The following TXNDC11 variants were observed in gnomAD, a reference collection of about 807,000 sequenced individuals.
TXNDC11 encodes the protein thioredoxin domain containing 11.
A neutral mutation model predicts 78.0 loss-of-function variants in TXNDC11; 68 were observed. The observed-to-expected ratio is 0.87, with a 90% confidence interval of 0.72 to 1.07. TXNDC11 has a LOEUF of 1.07. Among genes scored for constraint, TXNDC11 ranks in the 50% least tolerant of loss-of-function variants. TXNDC11 has a pLI of 0.00. For synonymous variants in TXNDC11, 571 were observed against 495.2 expected (o/e 1.15, Z -2.03); for missense variants, 1,389 against 1,221.8 (o/e 1.14, Z -2.04).
At chr16:11,700,684 C>G (rs191487035) in intron 5 of TXNDC11, 120 bp from the exon 6 acceptor site, 518 of 576,928 alleles carry the variant, frequency 9.0e-4, no homozygotes, top group Non-Finnish European at 1.4e-3. Context: ...GGTAACCTAG[C>G]CTAGAGAGGG....
chr16:11,707,373 T>G (rs1361630673), intron 5 of TXNDC11, among the ~76,000 whole-genome samples: 1 of 151,846 alleles, frequency 6.6e-6, no homozygotes, highest in Non-Finnish European at 1.5e-5. Context: ...AACTCCATGA[T>G]TTTTATACTG....
rs552401802 is a variant in TXNDC11 at position 11,731,606 on chromosome 16, T to A, written c.570-832A>T. ...TCTAAACAGAAATTGACATTAAGCTTACTGTTAACAGCAACAAGAGCCCAG... is the reference window on the plus strand; with the variant it reads ...TCTAAACAGAAATTGACATTAAGCTAACTGTTAACAGCAACAAGAGCCCAG... On this transcript the variant is annotated intron_variant, in intron 3 of 11. Coordinates refer to ENST00000283033, the MANE Select transcript of TXNDC11 (RefSeq NM_015914.7). Among the ~76,000 whole-genome samples, 144 of 152,208 alleles carry A rather than the reference T, an allele frequency of 9.5e-4. 2 individuals carry two copies. The highest frequency in any genetic ancestry group is 1.3e-3 in the Non-Finnish European group (91 of 68,022).
intron 1 of TXNDC11, among the ~76,000 whole-genome samples, chr16:11,736,541 T>G (rs1327432133): frequency 6.6e-6 from 1 of 152,230 alleles, no homozygotes; most frequent in South Asian, 2.1e-4. Context: ...CTCCTTTTTC[T>G]GCAGCCTGGC....
At chr16:11,704,040 C>T (rs1434294734) in intron 5 of TXNDC11, among the ~76,000 whole-genome samples, 1 of 151,976 alleles carries the variant, frequency 6.6e-6, no homozygotes, top group Non-Finnish European at 1.5e-5. Flanking sequence ...TGCAGTGAGC[C>T]GAGATTTTGC....
At chr16:11,723,259 CAAAAAAAAAGAAAAAAAAGAA>C (rs1185583729) in intron 4 of TXNDC11, among the ~76,000 whole-genome samples, 1 of 135,472 alleles carries the variant, frequency 7.4e-6, no homozygotes, top group African/African-American at 2.8e-5. Context: ...GAGTCCATCT[CAAAAAAAAAGAAAAAAAAGAA>C]AAAAAAAAAG....
intron 11 of TXNDC11, among the ~76,000 whole-genome samples, chr16:11,683,216 G>A (rs544537921): frequency 2.7e-4 from 41 of 152,168 alleles, no homozygotes; most frequent in Non-Finnish European, 2.4e-4. Flanking sequence ...CTGGAAGTCC[G>A]CTCCCCCTTG....
At chr16:11,680,681 G>A (rs1228357569) in intron 11 of TXNDC11, among the ~76,000 whole-genome samples, 4 of 152,168 alleles carry the variant, frequency 2.6e-5, no homozygotes, top group East Asian at 1.9e-4. Flanking sequence ...GAGGTGGGCC[G>A]GCAGCCGAGT....
chr16:11,703,677 G>A lies in TXNDC11; in HGVS notation c.794-3113C>T, dbSNP rs375982001. On this transcript the variant is annotated intron_variant, in intron 5 of 11. Coordinates refer to ENST00000283033, the MANE Select transcript of TXNDC11 (RefSeq NM_015914.7). ...TAATACCAAAGAGCATACCTAGCAC[G>A]TAGATCTTGGTTTCTAAATGCCATT... The A allele has an allele frequency of 9.8e-4, 688 of 702,698 alleles. 12 individuals are homozygous for A. Among genetic ancestry groups the A allele is most frequent in the South Asian group, 9.6e-3 (646 of 67,592 alleles). 43.5% of individuals were successfully genotyped at this position (702,698 alleles called of 1,614,324 possible).
intron 5 of TXNDC11, among the ~76,000 whole-genome samples, chr16:11,714,548 G>T (rs990400680): frequency 6.6e-6 from 1 of 151,980 alleles, no homozygotes; most frequent in African/African-American, 2.4e-5. Context: ...GCTGAGGCAG[G>T]AAAATGGCGT....
intron 6 of TXNDC11, 57 bp from the exon 7 acceptor site, chr16:11,698,382 A>G (rs749929520): frequency 7.3e-6 from 11 of 1,507,622 alleles, no homozygotes; most frequent in Non-Finnish European, 1.0e-5. Context: ...GGGCAAGCTC[A>G]AGGCACATCA....
chr16:11,697,877 T>G (rs915910573), intron 7 of TXNDC11, among the ~76,000 whole-genome samples: 1 of 152,174 alleles, frequency 6.6e-6, no homozygotes, highest in Non-Finnish European at 1.5e-5. Flanking sequence ...CTTCCCTGCC[T>G]CTTCCCACTC....
At chr16:11,681,388 G>A (rs189810141) in intron 11 of TXNDC11, among the ~76,000 whole-genome samples, 43 of 152,320 alleles carry the variant, frequency 2.8e-4, no homozygotes, top group East Asian at 7.7e-4. Flanking sequence ...AGTGACATCC[G>A]TGAGCATGCT....
rs370310699 is a variant in TXNDC11 at position 11,698,458 on chromosome 16, G to A, written c.907-133C>T. 11 of 718,800 alleles carry A rather than the reference G, an allele frequency of 1.5e-5. No individual in the cohort carries two copies. The African/African-American group carries it at 2.0e-4, about 13-fold the overall frequency. 44.5% of individuals were successfully genotyped at this position (718,800 alleles called of 1,614,324 possible). ...GCGTGGAGCGGGGCCTGGCCCCACT[G>A]TGCAGCTAACACCCGCTTCTCCAGA... On this transcript the variant is annotated intron_variant, in intron 6 of 11. Coordinates refer to ENST00000283033, the MANE Select transcript of TXNDC11 (RefSeq NM_015914.7).
intron 5 of TXNDC11, among the ~76,000 whole-genome samples, chr16:11,706,121 T>G (rs1478361756): frequency 6.6e-6 from 1 of 152,128 alleles, no homozygotes; most frequent in African/African-American, 2.4e-5. Flanking sequence ...AAAAAAAAAA[T>G]TCTCCATTAG....
At chr16:11,722,015 A>G (rs1174313389) in intron 4 of TXNDC11, among the ~76,000 whole-genome samples, 2 of 152,230 alleles carry the variant, frequency 1.3e-5, no homozygotes, top group African/African-American at 4.8e-5. Flanking sequence ...AAACTTTATC[A>G]GTAAGTTATG....
intron 1 of TXNDC11, among the ~76,000 whole-genome samples, chr16:11,738,985 C>T (rs1484187305): frequency 6.6e-6 from 1 of 152,020 alleles, no homozygotes; most frequent in East Asian, 1.9e-4. Flanking sequence ...CAAGATCACG[C>T]CATTGCACTC....
At chr16:11,694,097 CTTTTTTTTT>C (rs535913245) in intron 7 of TXNDC11, among the ~76,000 whole-genome samples, 196 of 85,662 alleles carry the variant, frequency 2.3e-3, no homozygotes, top group African/African-American at 6.8e-3. Flanking sequence ...TACAGCAATG[CTTTTTTTTT>C]TTTTTTTTTT....
intron 5 of TXNDC11, among the ~76,000 whole-genome samples, chr16:11,708,168 G>C (rs1281126402): frequency 6.6e-6 from 1 of 152,178 alleles, no homozygotes; most frequent in East Asian, 1.9e-4. Context: ...GAGTGGTAAT[G>C]ATGAAAAAGC....
intron 8 of TXNDC11, among the ~76,000 whole-genome samples, chr16:11,689,614 G>T (rs1472495258): frequency 6.6e-6 from 1 of 152,066 alleles, no homozygotes; most frequent in Non-Finnish European, 1.5e-5. Flanking sequence ...TACAGAAGAT[G>T]GAAAGAAATC....
Sources: gnomAD v4.1 joint callset for allele counts (sites outside exome capture counted in the v4.1 genomes callset) on GRCh38, gnomAD v4.1.1 for gene constraint, MANE v1.5 for transcripts, NCBI Gene and HGNC (gene_info 2026-07-23, HGNC 2026-07-21) for gene names.